The following ATP13A4 variants were observed in gnomAD, a reference collection of about 807,000 sequenced individuals.
ATP13A4 encodes the protein probable cation-transporting ATPase 13A4.
A neutral mutation model predicts 142.5 loss-of-function variants in ATP13A4; 114 were observed. The observed-to-expected ratio is 0.80, with a 90% CI of 0.69 to 0.93. The LOEUF (loss-of-function observed/expected upper bound fraction) is 0.93. Among genes scored for constraint, ATP13A4 ranks in the 40% least tolerant of loss-of-function variants. ATP13A4 has a pLI of 0.00. For missense variants in ATP13A4, 1,392 were observed against 1,454.0 expected, an observed-to-expected ratio of 0.96 and a Z score of 0.69; for synonymous variants, 488 against 514.8, an observed-to-expected ratio of 0.95 and a Z score of 0.70.
chr3:193,420,730 C>T (rs1370903392), intron 25 of ATP13A4, among the ~76,000 whole-genome samples: 1 of 148,950 alleles, frequency 6.7e-6, no homozygotes, highest in Non-Finnish European at 1.5e-5. Context: ...AAGAACCAAA[C>T]AGAAACTTTG....
chr3:193,508,449 G>C (rs1720970384), intron 2 of ATP13A4, among the ~76,000 whole-genome samples: 1 of 152,144 alleles, frequency 6.6e-6, no homozygotes, highest in African/African-American at 2.4e-5. Context: ...TTCCGGCTAT[G>C]GGACCCTGAG....
chr3:193,454,068 C>T (rs1717435021), intron 17 of ATP13A4, 33 bp downstream of exon 17: 2 of 1,550,150 alleles, frequency 1.3e-6, no homozygotes, highest in African/African-American at 1.4e-5. Context: ...TTCCATCAAA[C>T]CTTTCTGCTT....
intron 3 of ATP13A4, among the ~76,000 whole-genome samples, chr3:193,499,770 CT>C (rs1262219720): frequency 6.6e-6 from 1 of 152,162 alleles, no homozygotes; most frequent in Non-Finnish European, 1.5e-5. Context: ...TGTGAGGCCC[CT>C]GATCAGTTCG....
At position 193,414,651 on chromosome 3, in the gene ATP13A4, A is replaced by C; in HGVS notation, c.2942T>G (p.Leu981Arg). 1 of 1,614,184 alleles carries C rather than the reference A, an allele frequency of 6.2e-7. No homozygotes were observed. The highest frequency in any genetic ancestry group is 8.5e-7 in the Non-Finnish European group (1 of 1,180,030). The change falls in exon 26 of 30, where the codon CTC (leucine) becomes CGC (arginine). Residue 981 changes from leucine to arginine, a missense_variant. Physicochemically the swap from Leu to Arg is moderately radical, Grantham distance 102. Coordinates refer to ENST00000342695, the MANE Select transcript of ATP13A4 (RefSeq NM_032279.4). ...GCCTGCAATATGCATGGCCAGGCTG[A>C]GAAGAATGTTGAAAATCACAGAGAG... ...LLLSVIFNIL[L>R]SLAMHIAGFI...
intron 1 of ATP13A4, among the ~76,000 whole-genome samples, chr3:193,536,793 C>T (rs764889495): frequency 6.6e-6 from 1 of 151,962 alleles, no homozygotes; most frequent in Non-Finnish European, 1.5e-5. Context: ...CATAGACATA[C>T]AAAAATTAAT....
At chr3:193,582,183 T>C (rs1422849964) in intron 1 of ATP13A4, among the ~76,000 whole-genome samples, 1 of 148,086 alleles carries the variant, frequency 6.8e-6, no homozygotes, top group African/African-American at 2.5e-5. Context: ...AGTTTTCCTC[T>C]TGTGGCCCAG....
intron 1 of ATP13A4, among the ~76,000 whole-genome samples, chr3:193,536,983 C>A (rs1033185668): frequency 2.0e-5 from 3 of 151,922 alleles, no homozygotes; most frequent in Non-Finnish European, 4.4e-5. Flanking sequence ...GAGAGAGACA[C>A]CATGTTTATG....
At chr3:193,483,038 T>A (rs1341296501) in intron 8 of ATP13A4, among the ~76,000 whole-genome samples, 1 of 152,154 alleles carries the variant, frequency 6.6e-6, no homozygotes, top group Non-Finnish European at 1.5e-5. Flanking sequence ...GTCTATACAC[T>A]GAGATAGCCT....
intron 1 of ATP13A4, among the ~76,000 whole-genome samples, chr3:193,550,049 C>T (rs1199067956): frequency 6.6e-6 from 1 of 152,074 alleles, no homozygotes; most frequent in Non-Finnish European, 1.5e-5. Context: ...AACAAATGGC[C>T]TTCAGGCGGG....
intron 1 of ATP13A4, among the ~76,000 whole-genome samples, chr3:193,523,718 T>A (rs1272412401): frequency 6.6e-6 from 1 of 152,174 alleles, no homozygotes; most frequent in Non-Finnish European, 1.5e-5. Flanking sequence ...CCAGTAATAG[T>A]AAGTGCTATG....
intron 2 of ATP13A4, among the ~76,000 whole-genome samples, chr3:193,573,273 A>ATATATATATG (rs1460643355): frequency 2.4e-5 from 2 of 81,668 alleles, no homozygotes; most frequent in African/African-American, 1.0e-4. Flanking sequence ...ATATATATAT[A>ATATATATATG]TACATATATA....
At chr3:193,434,085 T>C (rs1257132075) in intron 24 of ATP13A4, among the ~76,000 whole-genome samples, 168 bp from the exon 25 acceptor site, 1 of 152,168 alleles carries the variant, frequency 6.6e-6, no homozygotes, top group Non-Finnish European at 1.5e-5. Context: ...TTGGTGGAAG[T>C]AATCAAAGCC....
intron 29 of ATP13A4, chr3:193,403,784 T>C: frequency 1.0e-6 from 1 of 985,192 alleles, no homozygotes; most frequent in Non-Finnish European, 1.2e-6. Context: ...ATTGACCATC[T>C]TAGAGGTTAT....
chr3:193,553,081 C>T (rs1036772694), intron 1 of ATP13A4: 4 of 152,194 alleles, frequency 2.6e-5, no homozygotes, highest in Admixed American at 6.5e-5. Flanking sequence ...GGAGTGCATA[C>T]TAATTGCTGC....
upstream of ATP13A4, among the ~76,000 whole-genome samples, chr3:193,559,974 GA>G (rs1723980689): frequency 6.6e-6 from 1 of 152,090 alleles, no homozygotes; most frequent in Non-Finnish European, 1.5e-5. Context: ...ACTTAATTTT[GA>G]GAACTTTTAA....
At chr3:193,568,648 T>C (rs1185989820) in intron 2 of ATP13A4, among the ~76,000 whole-genome samples, 1 of 152,166 alleles carries the variant, frequency 6.6e-6, no homozygotes, top group East Asian at 1.9e-4. Context: ...AATGCCATTC[T>C]CCAATAAAAG....
intron 1 of ATP13A4, among the ~76,000 whole-genome samples, chr3:193,550,723 G>GA (rs1723507129): frequency 6.6e-6 from 1 of 152,112 alleles, no homozygotes; most frequent in South Asian, 2.1e-4. Flanking sequence ...TTTATAATCA[G>GA]AAAAGAATTC....
chr3:193,570,433 A>T (rs562917820), intron 2 of ATP13A4, among the ~76,000 whole-genome samples: 1 of 152,334 alleles, frequency 6.6e-6, no homozygotes, highest in East Asian at 1.9e-4. Context: ...TTTATTTCTT[A>T]ATTATTTATC....
intron 1 of ATP13A4, among the ~76,000 whole-genome samples, chr3:193,523,848 C>G (rs537978019): frequency 6.6e-6 from 1 of 152,208 alleles, no homozygotes; most frequent in African/African-American, 2.4e-5. Context: ...GGGCGCAGAT[C>G]CATTACGAAT....
Sources: allele counts gnomAD v4.1 joint callset (sites outside exome capture counted in the v4.1 genomes callset), GRCh38; gene constraint gnomAD v4.1.1; transcripts MANE v1.5; gene names NCBI Gene and HGNC (gene_info 2026-07-23, HGNC 2026-07-21).